The following SMARCAL1 variants were observed in gnomAD, a reference collection of about 807,000 sequenced individuals.
The protein encoded by SMARCAL1 is SNF2 related chromatin remodeling annealing helicase 1.
SMARCAL1 carries 58 observed loss-of-function variants against 94.5 expected under a neutral mutation model. The observed-to-expected ratio is 0.61, with a 90% confidence interval of 0.50 to 0.76. SMARCAL1 has a LOEUF of 0.76. Among genes scored for constraint, SMARCAL1 ranks in the 30% least tolerant of loss-of-function variants. The pLI, the probability that SMARCAL1 is intolerant of heterozygous loss-of-function variation, is 0.00. For synonymous variants in SMARCAL1, 422 were observed against 455.1 expected (o/e 0.93, Z 0.93); for missense variants, 1,051 against 1,177.9 (o/e 0.89, Z 1.58).
intron 6 of SMARCAL1, 118 bp downstream of exon 6, chr2:216,423,801 A>G: frequency 1.1e-6 from 1 of 892,764 alleles, no homozygotes; most frequent in Non-Finnish European, 1.8e-6. Context: ...GGGATGCTTG[A>G]GTACAGGGTA....
At chr2:216,444,642 C>G (rs1264559582) in intron 10 of SMARCAL1, among the ~76,000 whole-genome samples, 1 of 152,206 alleles carries the variant, frequency 6.6e-6, no homozygotes, top group African/African-American at 2.4e-5. Context: ...CGTCAGCCTC[C>G]TGAGTAGTGG....
chr2:216,415,909 G>A (rs774908505), intron 3 of SMARCAL1: 117 of 399,958 alleles, frequency 2.9e-4, no homozygotes, highest in Non-Finnish European at 5.1e-4. Flanking sequence ...GAAAGGCAGC[G>A]TCAGGATGTG....
chr2:216,434,870 T>TC (rs1415390647), intron 8 of SMARCAL1, among the ~76,000 whole-genome samples: 2 of 143,972 alleles, frequency 1.4e-5, no homozygotes, highest in African/African-American at 5.2e-5. Context: ...TTTTTTTTTT[T>TC]TCTGAGACCC....
At position 216,461,829 on chromosome 2, in the gene SMARCAL1, CA is replaced by C. The variant is rs368442196; in HGVS notation, c.2071-2754del. Among the ~76,000 whole-genome samples the C allele has an allele frequency of 6.0e-3, 673 of 111,850 alleles. 5 individuals are homozygous for C. Among genetic ancestry groups the C allele is most frequent in the East Asian group, 0.028 (115 of 4,162 alleles). 73.4% of individuals were successfully genotyped at this position (111,850 alleles called of 152,430 possible). ...AGTGTGACAGACAGAGACCTTGTCT[CA>C]AAAAAAAAAAAAACAAACCATAATA... On this transcript the variant is annotated intron_variant, in intron 12 of 17. Coordinates refer to ENST00000357276, the MANE Select transcript of SMARCAL1 (RefSeq NM_014140.4).
intron 1 of SMARCAL1, among the ~76,000 whole-genome samples, chr2:216,413,511 GA>G (rs915036550): frequency 2.6e-5 from 4 of 151,916 alleles, no homozygotes; most frequent in South Asian, 4.2e-4. Flanking sequence ...TGTTATGGAT[GA>G]AAAAAAATCC....
intron 13 of SMARCAL1, among the ~76,000 whole-genome samples, chr2:216,466,305 A>G (rs1694828165): frequency 6.6e-6 from 1 of 152,234 alleles, no homozygotes; most frequent in Non-Finnish European, 1.5e-5. Flanking sequence ...AATAAATTGT[A>G]TAGTGCTTTG....
At chr2:216,437,068 C>T (rs1306700812) in intron 9 of SMARCAL1, among the ~76,000 whole-genome samples, 2 of 152,208 alleles carry the variant, frequency 1.3e-5, no homozygotes, top group African/African-American at 2.4e-5. Flanking sequence ...CTCTTTCTTT[C>T]AGAGAAATGT....
intron 11 of SMARCAL1, among the ~76,000 whole-genome samples, chr2:216,449,965 G>A (rs916853949): frequency 5.3e-5 from 8 of 151,968 alleles, no homozygotes; most frequent in African/African-American, 1.9e-4. Flanking sequence ...AGCCTCCCTA[G>A]TAGCTGGGAT....
At chr2:216,425,968 G>T (rs1302020046) in intron 6 of SMARCAL1, among the ~76,000 whole-genome samples, 1 of 152,194 alleles carries the variant, frequency 6.6e-6, no homozygotes, top group Non-Finnish European at 1.5e-5. Flanking sequence ...TGCCTAGGAA[G>T]TTGTCTGCCT....
intron 4 of SMARCAL1, among the ~76,000 whole-genome samples, chr2:216,419,144 A>G (rs891867408): frequency 4.6e-5 from 7 of 152,212 alleles, no homozygotes; most frequent in Admixed American, 4.6e-4. Context: ...TTGAATCATT[A>G]TTCTTAGAGC....
chr2:216,465,839 C>T (rs952385645), intron 13 of SMARCAL1, among the ~76,000 whole-genome samples: 3 of 152,026 alleles, frequency 2.0e-5, no homozygotes, highest in Admixed American at 6.6e-5. Flanking sequence ...AATATATCTG[C>T]CCCATCCTCG....
At position 216,478,313 on chromosome 2, in the gene SMARCAL1, A is replaced by G. The variant is rs777452833; in HGVS notation, c.2625+14A>G. ...TACCTCTACAAGGTAATGCCAGCAC[A>G]TGGCTCTTCACCCCTGGAGCAGAGG... On this transcript the variant is annotated intron_variant, in intron 17 of 17. Transcript: ENST00000357276. 4 of 1,586,936 alleles carry G rather than the reference A, an allele frequency of 2.5e-6. No individual in the cohort carries two copies. The highest frequency in any genetic ancestry group is 2.2e-5 in the East Asian group (1 of 44,756).
At chr2:216,419,310 A>G (rs1693664389) in intron 4 of SMARCAL1, among the ~76,000 whole-genome samples, 1 of 152,180 alleles carries the variant, frequency 6.6e-6, no homozygotes, top group Admixed American at 6.5e-5. Flanking sequence ...AATGTTTCTT[A>G]GTCTTTTTCC....
rs1204051560 is a variant in SMARCAL1, at chr2:216,482,644, C to T, written c.2626-94C>T. On this transcript the variant is annotated intron_variant, in intron 17 of 17. Coordinates refer to ENST00000357276, the MANE Select transcript of SMARCAL1 (RefSeq NM_014140.4). The surrounding 1 kb of genome is among the most constrained non-coding windows in gnomAD (Gnocchi z 4.3). ...TGACACCATGAAATGTGTGGTCTCT[C>T]ATCTTTATATTCTCTCATCAGCCCT... 6.4e-7 allele frequency: 1 copy of T among 1,558,776 alleles called. No homozygotes were observed. The highest frequency in any genetic ancestry group is 1.7e-5 in the Admixed American group (1 of 59,712).
chr2:216,460,561 C>T (rs62180597), intron 12 of SMARCAL1, among the ~76,000 whole-genome samples: 72,242 of 150,824 alleles, frequency 0.48, 20,015 homozygotes, highest in African/African-American at 0.78. Context: ...CTGGAAACCA[C>T]CATTCTCAGC....
intron 12 of SMARCAL1, among the ~76,000 whole-genome samples, chr2:216,460,308 C>A (rs1169782304): frequency 6.6e-6 from 1 of 152,182 alleles, no homozygotes; most frequent in Non-Finnish European, 1.5e-5. Context: ...ACTAGAAATA[C>A]CATTTGACCC....
At chr2:216,481,177 A>C (rs1695188125) in intron 17 of SMARCAL1, among the ~76,000 whole-genome samples, 1 of 151,218 alleles carries the variant, frequency 6.6e-6, no homozygotes, top group Non-Finnish European at 1.5e-5. Flanking sequence ...AGATCATTTG[A>C]TTTTTTATAT....
intron 14 of SMARCAL1, among the ~76,000 whole-genome samples, chr2:216,472,334 G>A (rs1694986912): frequency 6.6e-6 from 1 of 152,048 alleles, no homozygotes; most frequent in Non-Finnish European, 1.5e-5. Context: ...CAGCCTGGGT[G>A]AGAGACAAGA....
intron 10 of SMARCAL1, among the ~76,000 whole-genome samples, chr2:216,446,405 A>C (rs1449477045): frequency 6.6e-6 from 1 of 152,256 alleles, no homozygotes; most frequent in Non-Finnish European, 1.5e-5. Context: ...AAGCTGAGTT[A>C]GTAAAGGCCT....
Sources: allele counts gnomAD v4.1 joint callset (sites outside exome capture counted in the v4.1 genomes callset), GRCh38; gene constraint gnomAD v4.1.1; non-coding constraint Gnocchi (gnomAD v3.1); transcripts MANE v1.5; gene names NCBI Gene and HGNC (gene_info 2026-07-23, HGNC 2026-07-21).